STX17: variants seen among roughly 807,000 people sequenced by gnomAD.
STX17 encodes the protein syntaxin 17.
STX17 carries 29 observed loss-of-function variants against 35.9 expected under a neutral mutation model. The observed-to-expected ratio is 0.81, with a 90% CI of 0.60 to 1.10. STX17 has a LOEUF of 1.10. Among genes scored for constraint, STX17 ranks in the 50% least tolerant of loss-of-function variants. The probability of loss-of-function intolerance (pLI) is 0.00; values close to 1 mark genes in which losing one functional copy is unlikely to be tolerated. For missense variants in STX17, 312 were observed against 352.3 expected (o/e 0.89, Z 0.92); for synonymous variants, 92 against 118.3 (o/e 0.78, Z 1.44).
chr9:99,945,714 T>C, intron 3 of STX17: 1 of 392,924 alleles, frequency 2.5e-6, no homozygotes, highest in Non-Finnish European at 5.0e-6. Context: ...TTTTTTCCTT[T>C]CTAGTTTAGG....
intron 6 of STX17, 23 bp downstream of exon 6, chr9:99,960,178 T>G: frequency 6.2e-7 from 1 of 1,608,408 alleles, no homozygotes; most frequent in South Asian, 1.1e-5. Context: ...CTGTTTTGGA[T>G]GCAGAATTGT....
At chr9:99,948,281 T>G (rs1829523329) in intron 3 of STX17, among the ~76,000 whole-genome samples, 1 of 152,084 alleles carries the variant, frequency 6.6e-6, no homozygotes, top group Admixed American at 6.6e-5. Flanking sequence ...ATGTAAAAGA[T>G]TTTAAGTTTT....
chr9:99,942,095 G>A (rs1469898037), intron 3 of STX17, among the ~76,000 whole-genome samples: 1 of 152,160 alleles, frequency 6.6e-6, no homozygotes, highest in Non-Finnish European at 1.5e-5. Flanking sequence ...CCAGCAGTGA[G>A]TACAATCCTG....
Position 99,968,795 on chromosome 9 carries a change from G to T in STX17, c.*122G>T. 1 of 1,430,244 alleles carries T rather than the reference G, an allele frequency of 7.0e-7. No homozygotes were observed. Among genetic ancestry groups the T allele is most frequent in the Non-Finnish European group, 9.4e-7 (1 of 1,058,714 alleles). 88.6% of individuals were successfully genotyped at this position (1,430,244 alleles called of 1,614,324 possible). On this transcript the variant is annotated 3_prime_UTR_variant, in exon 8 of 8. Coordinates refer to ENST00000259400, the MANE Select transcript of STX17 (RefSeq NM_017919.3). ...AGATAGTGGCTACTGATGTTCAAGTGGGATTGAAGTGTGATAAATGGATAT... is the reference window on the plus strand; with the variant it reads ...AGATAGTGGCTACTGATGTTCAAGTTGGATTGAAGTGTGATAAATGGATAT...
At chr9:99,951,493 G>A (rs1459939070) in intron 4 of STX17, among the ~76,000 whole-genome samples, 2 of 152,004 alleles carry the variant, frequency 1.3e-5, no homozygotes, top group Non-Finnish European at 2.9e-5. Flanking sequence ...TGCTTATGGA[G>A]TGGGACTTCA....
chr9:99,945,563 A>C (rs978282952), intron 3 of STX17, among the ~76,000 whole-genome samples: 5 of 151,934 alleles, frequency 3.3e-5, no homozygotes, highest in African/African-American at 1.2e-4. Flanking sequence ...TGGAATATTT[A>C]TTTCATTTTT....
chr9:99,910,827 C>G (rs1301340044), intron 1 of STX17, among the ~76,000 whole-genome samples: 1 of 152,284 alleles, frequency 6.6e-6, no homozygotes, highest in Middle Eastern at 3.4e-3. Flanking sequence ...CTCTTCACCC[C>G]TCCTGCCCCT....
chr9:99,920,161 A>T (rs1357802479), intron 2 of STX17, among the ~76,000 whole-genome samples: 1 of 152,204 alleles, frequency 6.6e-6, no homozygotes, highest in Non-Finnish European at 1.5e-5. Flanking sequence ...GGTAATTCCA[A>T]TCTTGTCAGT....
At chr9:99,922,300 G>T (rs1224839768) in intron 2 of STX17, among the ~76,000 whole-genome samples, 1 of 152,188 alleles carries the variant, frequency 6.6e-6, no homozygotes, top group Non-Finnish European at 1.5e-5. Flanking sequence ...TATTTGGTGA[G>T]AGTGGAGGGG....
intron 2 of STX17, among the ~76,000 whole-genome samples, chr9:99,917,249 G>GAA (rs1828794909): frequency 6.6e-6 from 1 of 151,792 alleles, no homozygotes; most frequent in African/African-American, 2.4e-5. Flanking sequence ...AGGATGTCTA[G>GAA]CTTAATTATA....
chr9:99,943,393 T>C (rs2118445206), intron 3 of STX17, among the ~76,000 whole-genome samples: 1 of 151,674 alleles, frequency 6.6e-6, no homozygotes, highest in Non-Finnish European at 1.5e-5. Context: ...CTGCAACCTC[T>C]GCCTCCTGGG....
intron 3 of STX17, among the ~76,000 whole-genome samples, chr9:99,943,611 ATC>A (rs1206421751): frequency 6.6e-6 from 1 of 152,048 alleles, no homozygotes; most frequent in Non-Finnish European, 1.5e-5. Flanking sequence ...ACCCAGCTGA[ATC>A]TCTATATTTG....
At position 99,974,492 on chromosome 9, in the gene STX17, G is replaced by A. The variant is rs1160743623; in HGVS notation, c.*5819G>A. Among the ~76,000 whole-genome samples the A allele has an allele frequency of 6.6e-6, 1 of 152,186 alleles. No homozygotes were observed. Among genetic ancestry groups the A allele is most frequent in the Non-Finnish European group, 1.5e-5 (1 of 68,050 alleles). On this transcript the variant is annotated 3_prime_UTR_variant, in exon 8 of 8. Coordinates refer to ENST00000259400, the MANE Select transcript of STX17 (RefSeq NM_017919.3). ...GTCATTTATTACATTGCTGAGTGGT[G>A]CTTGAATAAGGAAACATGCAATAAA...
chr9:99,952,407 TAAG>T (rs1260760826), intron 4 of STX17, among the ~76,000 whole-genome samples: 4 of 152,118 alleles, frequency 2.6e-5, no homozygotes, highest in Admixed American at 6.6e-5. Flanking sequence ...TGTGGAGAAA[TAAG>T]AACACTTTTA....
intron 4 of STX17, among the ~76,000 whole-genome samples, chr9:99,952,745 T>G (rs528122807): frequency 5.1e-4 from 77 of 151,938 alleles, no homozygotes; most frequent in African/African-American, 1.8e-3. Context: ...ATGGATGAAA[T>G]TGGAAATCAT....
At chr9:99,932,118 T>C (rs7022999) in intron 3 of STX17, among the ~76,000 whole-genome samples, 104,437 of 151,758 alleles carry the variant, frequency 0.69, 36,200 homozygotes, top group African/African-American at 0.72. Flanking sequence ...ATAAAGACTT[T>C]TGGGCTTTAT....
At chr9:99,940,470 CT>C (rs71498721) in intron 3 of STX17, among the ~76,000 whole-genome samples, 299 of 107,738 alleles carry the variant, frequency 2.8e-3, no homozygotes, top group Middle Eastern at 7.8e-3. Flanking sequence ...TAGAATTTTA[CT>C]TTTTTTTTTT....
chr9:99,966,148 C>T (rs74596243), intron 6 of STX17, among the ~76,000 whole-genome samples: 4,539 of 152,270 alleles, frequency 0.03, 96 homozygotes, highest in Middle Eastern at 0.054. Flanking sequence ...TCAGAAACTC[C>T]GGGGATTAGG....
intron 6 of STX17, among the ~76,000 whole-genome samples, chr9:99,961,980 C>T (rs1829835707): frequency 1.3e-5 from 2 of 152,118 alleles, no homozygotes; most frequent in African/African-American, 2.4e-5. Flanking sequence ...TCTAAAGCTA[C>T]GTACTGAACA....
Sources: allele counts gnomAD v4.1 joint callset (sites outside exome capture counted in the v4.1 genomes callset), GRCh38; gene constraint gnomAD v4.1.1; transcripts MANE v1.5; gene names NCBI Gene and HGNC (gene_info 2026-07-23, HGNC 2026-07-21).